The following FLT3 variants were observed in gnomAD, a reference collection of about 807,000 sequenced individuals.
FLT3 encodes receptor-type tyrosine-protein kinase FLT3.
In FLT3, 46 loss-of-function variants were observed where a neutral mutation model predicts 126.6. The ratio of observed to expected loss-of-function variants is 0.36; its 90% CI spans 0.29 to 0.46. The LOEUF (loss-of-function observed/expected upper bound fraction) is 0.46, where lower values mean the gene tolerates loss of function less well. Ranked by LOEUF, FLT3 falls within the 20% of genes least tolerant of loss-of-function variation. FLT3 has a pLI of 1.00. For synonymous variants in FLT3, 404 were observed against 434.4 expected, an observed-to-expected ratio of 0.93 and a Z score of 0.87; for missense variants, 1,069 against 1,190.3, an observed-to-expected ratio of 0.90 and a Z score of 1.50.
intron 9 of FLT3, among the ~76,000 whole-genome samples, chr13:28,039,743 T>A (rs989967370): frequency 1.3e-5 from 2 of 152,118 alleles, no homozygotes; most frequent in Non-Finnish European, 2.9e-5. Flanking sequence ...GAGACAGGGT[T>A]CACCATGTTG....
intron 9 of FLT3, among the ~76,000 whole-genome samples, chr13:28,038,876 C>T (rs1437815327): frequency 6.6e-6 from 1 of 152,052 alleles, no homozygotes; most frequent in Non-Finnish European, 1.5e-5. Flanking sequence ...GTAGGTAGCT[C>T]CTATCTTCAA....
At chr13:28,022,405 G>A (rs534361715) in intron 19 of FLT3, among the ~76,000 whole-genome samples, 2 of 151,996 alleles carry the variant, frequency 1.3e-5, no homozygotes, top group Admixed American at 6.6e-5. Flanking sequence ...CCAGCTACAC[G>A]GAAGGCCGAG....
At chr13:28,035,024 T>C (rs1247883882) in intron 12 of FLT3, among the ~76,000 whole-genome samples, 1 of 152,064 alleles carries the variant, frequency 6.6e-6, no homozygotes, top group African/African-American at 2.4e-5. Flanking sequence ...TTTATGAAGG[T>C]CGCACATGAA....
intron 19 of FLT3, 121 bp downstream of exon 19, chr13:28,023,229 A>C (rs1872545748): frequency 9.9e-7 from 1 of 1,011,206 alleles, no homozygotes; most frequent in Non-Finnish European, 1.4e-6. Flanking sequence ...TGACTCCAAC[A>C]GTGAACAGGG....
At chr13:28,091,214 T>C (rs1040274543) in intron 1 of FLT3, among the ~76,000 whole-genome samples, 7 of 98,996 alleles carry the variant, frequency 7.1e-5, no homozygotes, top group Admixed American at 1.9e-4. Context: ...TTTCTTTTTT[T>C]TTTTTTTTTT....
chr13:28,079,585 G>T (rs1361163979), intron 1 of FLT3, among the ~76,000 whole-genome samples: 3 of 152,170 alleles, frequency 2.0e-5, no homozygotes. Flanking sequence ...GTTTAATTGG[G>T]CTTACAGTTC....
At chr13:28,023,512 A>C (rs771427666) in intron 18 of FLT3, 35 bp from the exon 19 acceptor site, 1 of 1,609,304 alleles carries the variant, frequency 6.2e-7, no homozygotes, top group Non-Finnish European at 8.5e-7. Flanking sequence ...TTTTGCCAAA[A>C]CTCTAAGAAG....
intron 9 of FLT3, among the ~76,000 whole-genome samples, chr13:28,044,296 A>C (rs543520300): frequency 2.6e-4 from 39 of 151,932 alleles, no homozygotes; most frequent in African/African-American, 9.2e-4. Flanking sequence ...TAAAAATACA[A>C]AAAAATAGCT....
At chr13:28,026,492 A>C (rs1566065335) in intron 17 of FLT3, among the ~76,000 whole-genome samples, 1 of 152,112 alleles carries the variant, frequency 6.6e-6, no homozygotes, top group Non-Finnish European at 1.5e-5. Flanking sequence ...GATGAGGAGG[A>C]GATCCAGCAA....
intron 19 of FLT3, 151 bp downstream of exon 19, chr13:28,023,199 A>T: frequency 2.7e-6 from 2 of 744,986 alleles, no homozygotes; most frequent in Non-Finnish European, 4.3e-6. Flanking sequence ...ATTAGCCAAG[A>T]GCCAAGGTAA....
At chr13:28,023,263 T>C (rs941169047) in intron 19 of FLT3, 87 bp downstream of exon 19, 7 of 1,392,456 alleles carry the variant, frequency 5.0e-6, no homozygotes, top group Non-Finnish European at 6.9e-6. Flanking sequence ...CTTTAAGGGA[T>C]ACAAGTTAAA....
chr13:28,021,334 G>A (rs375381589), intron 19 of FLT3, among the ~76,000 whole-genome samples: 6 of 152,290 alleles, frequency 3.9e-5, no homozygotes, highest in African/African-American at 1.4e-4. Flanking sequence ...AGGATGCAGT[G>A]AGCTGAGATC....
chr13:28,062,013 T>C lies in FLT3; in HGVS notation c.222A>G (p.Thr74=). 2.5e-6 allele frequency: 4 copies of C among 1,613,250 alleles called. No individual in the cohort carries two copies. The highest frequency in any genetic ancestry group is 1.9e-4 in the Middle Eastern group (1 of 5,346). The change falls in exon 3 of 24, where the codon ACA becomes ACG. Residue 74 remains threonine (T), a synonymous_variant. Coordinates refer to ENST00000241453, the MANE Select transcript of FLT3 (RefSeq NM_004119.3). ...CTTCCACAGCGGCAGCTTCGTACAC[T>C]GTCCCTGAGCTCTGGGGTCTCAACG... ...GCALRPQSSG[T]VYEAAAVEVD... is the part of the protein sequence containing the mutation.
rs1207508622 is a variant in FLT3, at chr13:28,034,092, A to C, written c.1827T>G (p.Asn609Lys). 2 of 1,613,374 alleles carry C rather than the reference A, an allele frequency of 1.2e-6. No homozygotes were observed. The highest frequency in any genetic ancestry group is 1.7e-6 in the Non-Finnish European group (2 of 1,179,900). Residue 609 changes from asparagine (N) to lysine (K), a missense_variant, in exon 14 of 24, where the codon AAT becomes AAG. By Grantham distance (94) the Asn-to-Lys change is moderately conservative (BLOSUM62 0). Coordinates refer to ENST00000241453, the MANE Select transcript of FLT3 (RefSeq NM_004119.3). Reference protein sequence around the residue: ...YDLKWEFPRENLEFGKVLGSG... With the variant: ...YDLKWEFPREKLEFGKVLGSG... ...ACATTCCATTCTTACCAAACTCTAA[A>C]TTTTCTCTTGGAAACTCCCATTTGA...
intron 3 of FLT3, among the ~76,000 whole-genome samples, chr13:28,058,214 A>AAC (rs1555258452): frequency 2.2e-5 from 2 of 92,352 alleles, no homozygotes; most frequent in African/African-American, 7.0e-5. Flanking sequence ...AATTAAAAAA[A>AAC]AAAAACAAAA....
intron 1 of FLT3, among the ~76,000 whole-genome samples, chr13:28,087,878 T>A (rs1053734953): frequency 4.6e-5 from 7 of 152,226 alleles, no homozygotes; most frequent in Non-Finnish European, 8.8e-5. Context: ...TTGCTATGTC[T>A]CTTCTTAACA....
rs1469672879 is a variant in FLT3 at position 28,052,690 on chromosome 13, T to A, written c.485-16A>T. ...AGCAGGGTATCTAAAGCATCATAAGTTATTAACATTTTACTATTTTAAAAA... is the reference window on the plus strand; with the variant it reads ...AGCAGGGTATCTAAAGCATCATAAGATATTAACATTTTACTATTTTAAAAA... On this transcript the variant is annotated splice_polypyrimidine_tract_variant and intron_variant, in intron 4 of 23. Coordinates refer to ENST00000241453, the MANE Select transcript of FLT3 (RefSeq NM_004119.3). The A allele has an allele frequency of 6.5e-7, 1 of 1,530,388 alleles. No homozygotes were observed. The highest frequency in any genetic ancestry group is 9.0e-7 in the Non-Finnish European group (1 of 1,114,936). 94.8% of individuals were successfully genotyped at this position (1,530,388 alleles called of 1,614,324 possible).
intron 1 of FLT3, among the ~76,000 whole-genome samples, chr13:28,072,772 G>A (rs977207584): frequency 3.3e-5 from 5 of 152,146 alleles, no homozygotes; most frequent in Admixed American, 2.6e-4. Context: ...GGGAGGCCGA[G>A]GCGGGTGGAT....
intron 1 of FLT3, among the ~76,000 whole-genome samples, chr13:28,091,272 A>G (rs1226973620): frequency 6.4e-5 from 7 of 109,158 alleles, no homozygotes; most frequent in South Asian, 3.4e-4. Flanking sequence ...CCCAGGCTGG[A>G]GTGCAGTGGC....
Sources: allele counts gnomAD v4.1 joint callset (sites outside exome capture counted in the v4.1 genomes callset), GRCh38; gene constraint gnomAD v4.1.1; transcripts MANE v1.5; gene names NCBI Gene and HGNC (gene_info 2026-07-23, HGNC 2026-07-21).